The following DRC11 variants were observed in gnomAD, a reference collection of about 807,000 sequenced individuals.
DRC11 encodes the protein IQ and AAA domain-containing protein 1.
chr2:236,347,390 G>T, the DRC11 span, among the ~76,000 whole-genome samples: 2 of 151,838 alleles, frequency 1.3e-5, no homozygotes, highest in African/African-American at 4.8e-5. Context: ...CAGAGGAAAA[G>T]ATACAAAAAT....
At chr2:236,413,336 C>T in the DRC11 span, among the ~76,000 whole-genome samples, 10 of 152,296 alleles carry the variant, frequency 6.6e-5, no homozygotes, top group Non-Finnish European at 1.3e-4. This position sits in a 1 kb window ranked among gnomAD's most constrained non-coding sequence, Gnocchi z 4.0. Flanking sequence ...ATCTCTGTCA[C>T]CCACAAGCCA....
the DRC11 span, among the ~76,000 whole-genome samples, chr2:236,401,079 GA>G: frequency 2.0e-5 from 3 of 152,018 alleles, no homozygotes; most frequent in Non-Finnish European, 4.4e-5. This position sits in a 1 kb window ranked among gnomAD's most constrained non-coding sequence, Gnocchi z 4.6. Context: ...GAGCTCCTGG[GA>G]GGCACCGTTC....
At chr2:236,427,434 A>C in the DRC11 span, among the ~76,000 whole-genome samples, 1 of 152,132 alleles carries the variant, frequency 6.6e-6, no homozygotes, top group Non-Finnish European at 1.5e-5. The surrounding 1 kb of genome is among the most constrained non-coding windows in gnomAD (Gnocchi z 5.9). Flanking sequence ...GGTTTTGATT[A>C]CTGATTCAAT....
the DRC11 span, among the ~76,000 whole-genome samples, chr2:236,434,402 A>G: frequency 2.6e-5 from 4 of 152,352 alleles, no homozygotes; most frequent in South Asian, 6.2e-4. This position sits in a 1 kb window ranked among gnomAD's most constrained non-coding sequence, Gnocchi z 5.5. Flanking sequence ...TGTCAACGTT[A>G]GTAACAACTG....
At chr2:236,397,531 G>A in the DRC11 span, among the ~76,000 whole-genome samples, 26 of 152,354 alleles carry the variant, frequency 1.7e-4, no homozygotes, top group South Asian at 2.9e-3. This position sits in a 1 kb window ranked among gnomAD's most constrained non-coding sequence, Gnocchi z 5.0. Flanking sequence ...CAGCTGAGAC[G>A]GAGGGCTCCA....
chr2:236,357,083 A>ATATATTTTATATTCATATATTATATATC, the DRC11 span, among the ~76,000 whole-genome samples: 1 of 106,248 alleles, frequency 9.4e-6, no homozygotes, highest in African/African-American at 4.3e-5. Flanking sequence ...TTATATATCT[A>ATATATTTTATATTCATATATTATATATC]TATATTTTAT....
chr2:236,384,262 CTAGTT>C, the DRC11 span, among the ~76,000 whole-genome samples: 1 of 152,034 alleles, frequency 6.6e-6, no homozygotes, highest in Non-Finnish European at 1.5e-5. Flanking sequence ...AATGGTTGAA[CTAGTT>C]TACAGTCCCA....
the DRC11 span, chr2:236,493,738 GATTA>G: frequency 5.2e-6 from 8 of 1,540,534 alleles, no homozygotes; most frequent in Non-Finnish European, 7.0e-6. Flanking sequence ...ACAGATTATG[GATTA>G]ATGTTTGTTA....
chr2:236,486,885 G>A, the DRC11 span: 13 of 1,608,604 alleles, frequency 8.1e-6, no homozygotes, highest in Non-Finnish European at 9.3e-6. This position sits in a 1 kb window ranked among gnomAD's most constrained non-coding sequence, Gnocchi z 5.7. Flanking sequence ...TTACGTTGAT[G>A]GAAACGTCGC....
chr2:236,504,372 G>A, the DRC11 span, among the ~76,000 whole-genome samples: 1 of 152,136 alleles, frequency 6.6e-6, no homozygotes, highest in Non-Finnish European at 1.5e-5. The surrounding 1 kb of genome is among the most constrained non-coding windows in gnomAD (Gnocchi z 5.0). Context: ...GGTTGTTTCC[G>A]CCTTCTTTGC....
At chr2:236,430,110 A>T in the DRC11 span, among the ~76,000 whole-genome samples, 2 of 152,034 alleles carry the variant, frequency 1.3e-5, no homozygotes, top group Non-Finnish European at 2.9e-5. The surrounding 1 kb of genome is among the most constrained non-coding windows in gnomAD (Gnocchi z 6.0). Context: ...TGTGTGGCTG[A>T]TCATAATACA....
the DRC11 span, among the ~76,000 whole-genome samples, chr2:236,394,017 A>C: frequency 1.1e-4 from 16 of 152,008 alleles, no homozygotes; most frequent in South Asian, 6.2e-4. This position sits in a 1 kb window ranked among gnomAD's most constrained non-coding sequence, Gnocchi z 7.0. Flanking sequence ...ATTAATTTTT[A>C]ATAAATATTT....
chr2:236,316,886 C>T, the DRC11 span, among the ~76,000 whole-genome samples: 15 of 152,274 alleles, frequency 9.9e-5, no homozygotes, highest in African/African-American at 2.9e-4. This position sits in a 1 kb window ranked among gnomAD's most constrained non-coding sequence, Gnocchi z 6.8. Context: ...TGCTCTGGGG[C>T]GAGCAGCTGT....
chr2:236,428,494 T>C, the DRC11 span, among the ~76,000 whole-genome samples: 2 of 152,186 alleles, frequency 1.3e-5, no homozygotes, highest in Non-Finnish European at 2.9e-5. Context: ...AATGATCTTA[T>C]TTGCCCTTTT....
chr2:236,364,016 C>A, the DRC11 span: 1 of 1,565,434 alleles, frequency 6.4e-7, no homozygotes, highest in East Asian at 2.3e-5. Context: ...AATGTTCTGC[C>A]AAGAAAATCA....
the DRC11 span, among the ~76,000 whole-genome samples, chr2:236,357,836 T>C: frequency 1.0e-5 from 1 of 100,352 alleles, no homozygotes; most frequent in Admixed American, 9.8e-5. Flanking sequence ...ATATACTATA[T>C]AAATATGTAA....
chr2:236,411,901 T>C, the DRC11 span, among the ~76,000 whole-genome samples: 2 of 78,114 alleles, frequency 2.6e-5, no homozygotes, highest in African/African-American at 1.0e-4. Flanking sequence ...TGTTGTGGGG[T>C]GGGGGGAGGG....
the DRC11 span, among the ~76,000 whole-genome samples, chr2:236,423,241 A>C: frequency 4.3e-4 from 66 of 152,156 alleles, no homozygotes; most frequent in African/African-American, 1.4e-3. Context: ...CAGCAAAAGA[A>C]ACTACCATCA....
the DRC11 span, chr2:236,338,227 T>C: frequency 1.2e-6 from 2 of 1,613,902 alleles, no homozygotes; most frequent in Non-Finnish European, 1.7e-6. Flanking sequence ...CATAGTCTGG[T>C]CTGGGCACCA....
Sources: allele counts gnomAD v4.1 joint callset (sites outside exome capture counted in the v4.1 genomes callset), GRCh38; gene constraint gnomAD v4.1.1; non-coding constraint Gnocchi (gnomAD v3.1); transcripts MANE v1.5; gene names NCBI Gene and HGNC (gene_info 2026-07-23, HGNC 2026-07-21).